TBC1D24: variants seen among roughly 807,000 people sequenced by gnomAD.
TBC1D24 encodes Infantile myoclonic epilepsy.
Under a neutral mutation model 50.7 loss-of-function variants are expected in TBC1D24, and 47 were observed. That is an observed-to-expected ratio of 0.93 (90% confidence interval 0.73 to 1.18). The LOEUF (loss-of-function observed/expected upper bound fraction) is 1.18. TBC1D24 is among the 50% of genes most tolerant of loss of function. TBC1D24 has a pLI of 0.00. For synonymous variants in TBC1D24, 324 were observed against 335.2 expected (o/e 0.97, Z 0.36); for missense variants, 688 against 766.5 (o/e 0.90, Z 1.21).
intron 1 of TBC1D24, among the ~76,000 whole-genome samples, chr16:2,492,899 C>G (rs1033322533): frequency 6.6e-6 from 1 of 151,934 alleles, no homozygotes; most frequent in Non-Finnish European, 1.5e-5. Context: ...TCGAGACCAG[C>G]CTGACCAACA....
At chr16:2,497,843 T>TG in intron 3 of TBC1D24, 116 bp downstream of exon 3, 1 of 1,084,308 alleles carries the variant, frequency 9.2e-7, no homozygotes. Flanking sequence ...TCAGCAGCGC[T>TG]GCCTCTGAGC....
At chr16:2,498,201 G>A (rs1215228245) in intron 3 of TBC1D24, 37 bp from the exon 4 acceptor site, 9 of 1,565,416 alleles carry the variant, frequency 5.7e-6, no homozygotes, top group Non-Finnish European at 5.2e-6. Flanking sequence ...GGCCCCAGAC[G>A]TGCCTTCGGG....
rs77858505 is a variant in TBC1D24 at position 2,502,649 on chromosome 16, G to A, written c.*1691G>A. 2,352 of 152,788 alleles carry A rather than the reference G, an allele frequency of 0.015. 30 individuals are homozygous for A. Among genetic ancestry groups the A allele is most frequent in the Non-Finnish European group, 0.024 (1,632 of 68,128 alleles). 9.5% of individuals were successfully genotyped at this position (152,788 alleles called of 1,614,324 possible). A position where few individuals can be genotyped will look rare whatever the true frequency, so the allele number is the denominator to read the frequency against. ...ACTCAGTTTCCCCAGCTGTGAAATG[G>A]GGCCAGTCCCCATGCCCTGCTGTCC... On this transcript the variant is annotated 3_prime_UTR_variant, in exon 8 of 8. Coordinates refer to ENST00000646147, the MANE Select transcript of TBC1D24 (RefSeq NM_001199107.2).
Position 2,500,140 on chromosome 16 carries a change from C to A in TBC1D24, c.1303-128C>A. 9.5e-7 allele frequency: 1 copy of A among 1,056,318 alleles called. No individual in the cohort carries two copies. The highest frequency in any genetic ancestry group is 1.4e-6 in the Non-Finnish European group (1 of 701,212). 65.4% of individuals were successfully genotyped at this position (1,056,318 alleles called of 1,614,324 possible). On this transcript the variant is annotated intron_variant, in intron 6 of 7. Coordinates refer to ENST00000646147, the MANE Select transcript of TBC1D24 (RefSeq NM_001199107.2). The surrounding 1 kb of genome is among the most constrained non-coding windows in gnomAD (Gnocchi z 8.0). Reference sequence around the variant, plus strand: ...TCTGCTCGAGCCACCAGCTCCCCAGCCCCTGGCTCGGGCTGCACCCACCTT... The same window carrying A: ...TCTGCTCGAGCCACCAGCTCCCCAGACCCTGGCTCGGGCTGCACCCACCTT...
At chr16:2,498,479 C>A in intron 4 of TBC1D24, 83 bp downstream of exon 4, 1 of 1,337,118 alleles carries the variant, frequency 7.5e-7, no homozygotes, top group Non-Finnish European at 1.0e-6. Context: ...GGGCCTCAAA[C>A]CTCGGCACCT....
rs1259586690 is a variant in TBC1D24, at chr16:2,499,141, G to T, written c.1143-216G>T. The stretch of plus-strand genomic sequence containing the variant: ...CTGCACTGGGGCCTTCCACTGCAAG[G>T]CCTCTCCCCTGAGTCACACCAGGGC... On this transcript the variant is annotated intron_variant, in intron 4 of 7. Transcript: ENST00000646147. The surrounding 1 kb of genome is among the most constrained non-coding windows in gnomAD (Gnocchi z 4.0). Among the ~76,000 whole-genome samples, 1 of 152,166 alleles carries T rather than the reference G, an allele frequency of 6.6e-6. No individual in the cohort carries two copies. Among genetic ancestry groups the T allele is most frequent in the Non-Finnish European group, 1.5e-5 (1 of 68,020 alleles).
rs2065778820 is a variant in TBC1D24, at chr16:2,500,125, C to T, written c.1303-143C>T. 1.0e-6 allele frequency: 1 copy of T among 973,070 alleles called. No individual in the cohort carries two copies. Among genetic ancestry groups the T allele is most frequent in the African/African-American group, 1.6e-5 (1 of 62,006 alleles). The allele number at this position is 973,070 out of a possible 1,614,324, so 60.3% of individuals were successfully genotyped here. On this transcript the variant is annotated intron_variant, in intron 6 of 7. Transcript: ENST00000646147. This position sits in a 1 kb window ranked among gnomAD's most constrained non-coding sequence, Gnocchi z 8.0. The stretch of plus-strand genomic sequence containing the variant: ...GGGCAGGGGGCTTCATCTGCTCGAG[C>T]CACCAGCTCCCCAGCCCCTGGCTCG...
chr16:2,501,124 C>T lies in TBC1D24; in HGVS notation c.*166C>T, dbSNP rs1227184797. ...TTGCCTGGACCTGCTGCTGCCTCTA[C>T]CTGGGGTTTGGGCTGGGCTTCCCCA... On this transcript the variant is annotated 3_prime_UTR_variant, in exon 8 of 8. Coordinates refer to ENST00000646147, the MANE Select transcript of TBC1D24 (RefSeq NM_001199107.2). 1 of 900,626 alleles carries T rather than the reference C, an allele frequency of 1.1e-6. No individual in the cohort carries two copies. The highest frequency in any genetic ancestry group is 2.5e-5 in the Admixed American group (1 of 39,874). The allele number at this position is 900,626 out of a possible 1,614,324, so 55.8% of individuals were successfully genotyped here.
At chr16:2,476,904 A>G (rs2065573472) in intron 1 of TBC1D24, 1 of 152,280 alleles carries the variant, frequency 6.6e-6, no homozygotes, top group South Asian at 2.1e-4. Flanking sequence ...AGGAGTGTCC[A>G]GCAGGCTCGA....
At position 2,496,106 on chromosome 16, in the gene TBC1D24, C is replaced by T; in HGVS notation, c.-43C>T. 6.2e-7 allele frequency: 1 copy of T among 1,611,910 alleles called. No individual in the cohort carries two copies. The highest frequency in any genetic ancestry group is 8.5e-7 in the Non-Finnish European group (1 of 1,179,086). On this transcript the variant is annotated 5_prime_UTR_variant, in exon 2 of 8. Transcript: ENST00000646147. The stretch of plus-strand genomic sequence containing the variant: ...TGGAGGATTTAGCCACTCTGTCCTC[C>T]CCTTCCGGCAGTCCAGGGCCTCCTC...
In TBC1D24 at chr16:2,499,215, G is replaced by A; in HGVS notation, c.1143-142G>A. Reference sequence around the variant, plus strand: ...AAGGGCCAGGTGAGAAGAACACCTGGGTGAGGGTGTTGTCGGGACCCAGAG... The same window carrying A: ...AAGGGCCAGGTGAGAAGAACACCTGAGTGAGGGTGTTGTCGGGACCCAGAG... On this transcript the variant is annotated intron_variant, in intron 4 of 7. Coordinates refer to ENST00000646147, the MANE Select transcript of TBC1D24 (RefSeq NM_001199107.2). This position sits in a 1 kb window ranked among gnomAD's most constrained non-coding sequence, Gnocchi z 4.0. The A allele has an allele frequency of 4.0e-6, 3 of 758,912 alleles. No homozygotes were observed. Among genetic ancestry groups the A allele is most frequent in the Non-Finnish European group, 4.6e-6 (2 of 432,558 alleles). The allele number at this position is 758,912 out of a possible 1,614,324, so 47.0% of individuals were successfully genotyped here. A position where few individuals can be genotyped will look rare whatever the true frequency, so the allele number is the denominator to read the frequency against.
chr16:2,483,528 G>C lies in TBC1D24; in HGVS notation c.-116+8358G>C, dbSNP rs1042277348. On this transcript the variant is annotated intron_variant, in intron 1 of 7. Transcript: ENST00000646147. The surrounding 1 kb of genome is among the most constrained non-coding windows in gnomAD (Gnocchi z 4.0). The stretch of plus-strand genomic sequence containing the variant: ...GGGCTCTAGGAGAGGGTATGGGCAG[G>C]TGTATGAATGTGCAGCCTCTGGAGT... The C allele has an allele frequency of 6.6e-6, 1 of 152,454 alleles. No individual in the cohort carries two copies. The highest frequency in any genetic ancestry group is 2.4e-5 in the African/African-American group (1 of 41,438). 9.4% of individuals were successfully genotyped at this position (152,454 alleles called of 1,614,324 possible).
At chr16:2,490,033 G>A (rs979176119) in intron 1 of TBC1D24, among the ~76,000 whole-genome samples, 10 of 152,170 alleles carry the variant, frequency 6.6e-5, no homozygotes, top group African/African-American at 2.2e-4. Flanking sequence ...TGTCTGGAGC[G>A]CTTCATCCTC....
intron 1 of TBC1D24, among the ~76,000 whole-genome samples, chr16:2,491,076 C>T (rs547808484): frequency 6.6e-6 from 1 of 152,326 alleles, no homozygotes; most frequent in African/African-American, 2.4e-5. Flanking sequence ...TCAGTTTCCA[C>T]CTCCCCTTAC....
Position 2,502,763 on chromosome 16 carries a change from C to G in TBC1D24, c.*1805C>G, listed in dbSNP as rs1213533813. On this transcript the variant is annotated 3_prime_UTR_variant, in exon 8 of 8. Coordinates refer to ENST00000646147, the MANE Select transcript of TBC1D24 (RefSeq NM_001199107.2). ...ATGGGAGGGAAGTCGCCACTCATCT[C>G]AGCCCACCGCAGCCCTCCAGGCCCC... is the stretch of plus-strand genomic sequence containing the variant. 6.5e-6 allele frequency: 1 copy of G among 153,094 alleles called. No individual in the cohort carries two copies. The highest frequency in any genetic ancestry group is 1.5e-5 in the Non-Finnish European group (1 of 68,140). The allele number at this position is 153,094 out of a possible 1,614,324, so 9.5% of individuals were successfully genotyped here. A position where few individuals can be genotyped will look rare whatever the true frequency, so the allele number is the denominator to read the frequency against.
rs2065770922 is a variant in TBC1D24 at position 2,499,360 on chromosome 16, C to T, written c.1146C>T (p.Phe382=). The T allele has an allele frequency of 6.2e-7, 1 of 1,613,086 alleles. No individual in the cohort carries two copies. The highest frequency in any genetic ancestry group is 1.3e-5 in the African/African-American group (1 of 74,912). Residue 382 remains phenylalanine, a synonymous_variant, in exon 5 of 8, where the codon TTC becomes TTT. Transcript: ENST00000646147. This position sits in a 1 kb window ranked among gnomAD's most constrained non-coding sequence, Gnocchi z 4.0. ...SLQHGYSLAR[F]YFQCEGHEPT... ...GGCATGCGTGTCTCTACGCCAGGTT[C>T]TACTTCCAGTGTGAAGGACATGAGC...
rs2065660018 is a variant in TBC1D24 at position 2,487,498 on chromosome 16, G to A, written c.-115-8536G>A. ...GTGTGTTCTGTCTTTGTACATGAAA[G>A]AGAGTTTGTTTTCAAATCCGGTTGT... On this transcript the variant is annotated intron_variant, in intron 1 of 7. Coordinates refer to ENST00000646147, the MANE Select transcript of TBC1D24 (RefSeq NM_001199107.2). This position sits in a 1 kb window ranked among gnomAD's most constrained non-coding sequence, Gnocchi z 4.1. Among the ~76,000 whole-genome samples, 1 of 152,256 alleles carries A rather than the reference G, an allele frequency of 6.6e-6. No individual in the cohort carries two copies. The highest frequency in any genetic ancestry group is 1.5e-5 in the Non-Finnish European group (1 of 68,044).
chr16:2,489,512 T>C (rs2092136031), intron 1 of TBC1D24, among the ~76,000 whole-genome samples: 1 of 152,164 alleles, frequency 6.6e-6, no homozygotes, highest in South Asian at 2.1e-4. Context: ...TGCAGGTACC[T>C]TGAGCTCTCA....
intron 4 of TBC1D24, among the ~76,000 whole-genome samples, chr16:2,498,711 C>T (rs1160636274): frequency 6.6e-6 from 1 of 152,354 alleles, no homozygotes; most frequent in Non-Finnish European, 1.5e-5. Context: ...GCTGTGCTCG[C>T]TCCCCACCCT....
Sources: allele counts gnomAD v4.1 joint callset (sites outside exome capture counted in the v4.1 genomes callset), GRCh38; gene constraint gnomAD v4.1.1; non-coding constraint Gnocchi (gnomAD v3.1); transcripts MANE v1.5; gene names NCBI Gene and HGNC (gene_info 2026-07-23, HGNC 2026-07-21).